The following CACNA2D3 variants were observed in gnomAD, a reference collection of about 807,000 sequenced individuals.
The protein encoded by CACNA2D3 is calcium voltage-gated channel auxiliary subunit alpha2delta 3.
A neutral mutation model predicts 160.6 loss-of-function variants in CACNA2D3; 60 were observed. The ratio of observed to expected loss-of-function variants is 0.37; its 90% CI spans 0.30 to 0.46. CACNA2D3 has a LOEUF of 0.46. Ranked by LOEUF, CACNA2D3 falls within the 20% of genes least tolerant of loss-of-function variation. The pLI, the probability that CACNA2D3 is intolerant of heterozygous loss-of-function variation, is 1.00. For synonymous variants in CACNA2D3, 558 were observed against 492.9 expected, an observed-to-expected ratio of 1.13 and a Z score of -1.75; for missense variants, 1,205 against 1,365.0, an observed-to-expected ratio of 0.88 and a Z score of 1.85.
chr3:54,619,184 C>G (rs973638995), intron 9 of CACNA2D3, among the ~76,000 whole-genome samples: 3 of 152,226 alleles, frequency 2.0e-5, no homozygotes, highest in African/African-American at 7.2e-5. Context: ...CTGAGATGCA[C>G]TGACAAGTCC....
At chr3:54,713,828 A>G (rs1700999483) in intron 11 of CACNA2D3, among the ~76,000 whole-genome samples, 1 of 152,102 alleles carries the variant, frequency 6.6e-6, no homozygotes, top group Non-Finnish European at 1.5e-5. Context: ...TCAAAATTCT[A>G]CTCTCATGCA....
At chr3:54,543,267 GTAA>G (rs1702010122) in intron 5 of CACNA2D3, among the ~76,000 whole-genome samples, 1 of 152,206 alleles carries the variant, frequency 6.6e-6, no homozygotes, top group African/African-American at 2.4e-5. Flanking sequence ...GCGTTAGGTT[GTAA>G]TAATCCCATC....
At chr3:54,602,658 C>G (rs1339280672) in intron 9 of CACNA2D3, among the ~76,000 whole-genome samples, 1 of 152,162 alleles carries the variant, frequency 6.6e-6, no homozygotes, top group East Asian at 1.9e-4. Flanking sequence ...TTTCTTAGCT[C>G]TGACGATAAA....
At chr3:54,462,384 C>T (rs1042261789) in intron 4 of CACNA2D3, among the ~76,000 whole-genome samples, 1 of 152,290 alleles carries the variant, frequency 6.6e-6, no homozygotes, top group East Asian at 1.9e-4. Flanking sequence ...GTGTTAACAT[C>T]TCCCATTACT....
chr3:54,979,166 T>C (rs1457199579), intron 29 of CACNA2D3, among the ~76,000 whole-genome samples: 1 of 152,180 alleles, frequency 6.6e-6, no homozygotes. Context: ...CCAAAATAAC[T>C]TGGGGCTCCT....
At chr3:55,039,986 G>T (rs1368318800) in intron 35 of CACNA2D3, among the ~76,000 whole-genome samples, 1 of 152,072 alleles carries the variant, frequency 6.6e-6, no homozygotes, top group Admixed American at 6.6e-5. Context: ...AATACCGTAG[G>T]CTGGATGGAT....
chr3:54,167,701 G>C (rs757599253), intron 2 of CACNA2D3, among the ~76,000 whole-genome samples: 1 of 152,176 alleles, frequency 6.6e-6, no homozygotes, highest in Non-Finnish European at 1.5e-5. Context: ...ACGTAGTTAA[G>C]GTGGACAGAG....
chr3:54,382,111 A>G (rs972317971), intron 3 of CACNA2D3, among the ~76,000 whole-genome samples: 1 of 152,194 alleles, frequency 6.6e-6, no homozygotes, highest in Non-Finnish European at 1.5e-5. Context: ...TCCAGTGTTC[A>G]CGTTTAATTA....
At position 54,469,259 on chromosome 3, in the gene CACNA2D3, C is replaced by G. The variant is rs542182958; in HGVS notation, c.382-34233C>G. The stretch of plus-strand genomic sequence containing the variant: ...GGCAGCAGTCTTTGCTGTTGTGCAG[C>G]CTCTGCTGGTGATACCCAGGCAAAC... On this transcript the variant is annotated intron_variant, in intron 4 of 37. Coordinates refer to ENST00000474759, the MANE Select transcript of CACNA2D3 (RefSeq NM_018398.3). 7.9e-5 allele frequency among the ~76,000 whole-genome samples: 12 copies of G among 152,308 alleles called. No individual in the cohort carries two copies. The South Asian group carries it at 2.5e-3, about 32-fold the overall frequency.
At chr3:54,988,662 C>T (rs1262307489) in intron 31 of CACNA2D3, among the ~76,000 whole-genome samples, 1 of 152,232 alleles carries the variant, frequency 6.6e-6, no homozygotes, top group African/African-American at 2.4e-5. Flanking sequence ...TATTACTCTT[C>T]TGCGGCTGAA....
Position 54,862,402 on chromosome 3 carries a change from C to T in CACNA2D3, c.1627-9137C>T, listed in dbSNP as rs191041562. ...TTACACACACACACACACACACACA[C>T]ACGCACACACACGCACACGTGATGA... is the stretch of plus-strand genomic sequence containing the variant. On this transcript the variant is annotated intron_variant, in intron 17 of 37. Transcript: ENST00000474759. Among the ~76,000 whole-genome samples the T allele has an allele frequency of 9.7e-3, 1,479 of 151,828 alleles. 16 individuals are homozygous for T. The highest frequency in any genetic ancestry group is 0.015 in the Non-Finnish European group (999 of 67,964).
Position 55,072,383 on chromosome 3 carries a change from G to T in CACNA2D3, c.2988-1062G>T, listed in dbSNP as rs534925725. Among the ~76,000 whole-genome samples, 6 of 152,270 alleles carry T rather than the reference G, an allele frequency of 3.9e-5. No individual in the cohort carries two copies. In the South Asian group the frequency reaches 1.0e-3, roughly 26 times the overall value. ...TATGAGGTGGCAACAGGTTAAAAAA[G>T]GGGGAGTCCCTTTCCCTTCTTTATA... is the stretch of plus-strand genomic sequence containing the variant. On this transcript the variant is annotated intron_variant, in intron 35 of 37. Transcript: ENST00000474759.
At chr3:54,809,298 TC>T (rs1703224015) in intron 13 of CACNA2D3, among the ~76,000 whole-genome samples, 1 of 118,604 alleles carries the variant, frequency 8.4e-6, no homozygotes, top group Non-Finnish European at 1.6e-5. Context: ...TTTCTTTCCT[TC>T]CTTCCTTCTT....
At chr3:54,435,569 C>G (rs183960806) in intron 4 of CACNA2D3, among the ~76,000 whole-genome samples, 21 of 152,242 alleles carry the variant, frequency 1.4e-4, no homozygotes, top group Admixed American at 1.4e-3. Context: ...AGCTAACGTA[C>G]ACTCCCACCC....
intron 4 of CACNA2D3, among the ~76,000 whole-genome samples, chr3:54,470,232 C>G (rs199593402): frequency 6.6e-6 from 1 of 152,338 alleles, no homozygotes; most frequent in East Asian, 1.9e-4. Context: ...CAGCAGATCT[C>G]TCTGCAGAAA....
At chr3:54,284,675 G>A (rs1702965086) in intron 2 of CACNA2D3, among the ~76,000 whole-genome samples, 2 of 152,184 alleles carry the variant, frequency 1.3e-5, no homozygotes, top group Non-Finnish European at 2.9e-5. Flanking sequence ...GTGGAATAGA[G>A]CTCCTTCGGT....
At chr3:54,876,371 G>A (rs1699658085) in intron 18 of CACNA2D3, 1 of 152,148 alleles carries the variant, frequency 6.6e-6, no homozygotes, top group Non-Finnish European at 1.5e-5. Flanking sequence ...TATTCTCACA[G>A]GGCAGTCTAT....
chr3:54,186,616 C>T (rs1406264514), intron 2 of CACNA2D3, among the ~76,000 whole-genome samples: 1 of 152,092 alleles, frequency 6.6e-6, no homozygotes, highest in Non-Finnish European at 1.5e-5. Flanking sequence ...AATTTCTCTT[C>T]ATACTACATG....
chr3:54,384,968 G>A (rs910076842), intron 3 of CACNA2D3, among the ~76,000 whole-genome samples: 1 of 152,090 alleles, frequency 6.6e-6, no homozygotes, highest in African/African-American at 2.4e-5. Context: ...TGATCTGCCC[G>A]CCTCTGCCTC....
Sources: allele counts gnomAD v4.1 joint callset (sites outside exome capture counted in the v4.1 genomes callset), GRCh38; gene constraint gnomAD v4.1.1; transcripts MANE v1.5; gene names NCBI Gene and HGNC (gene_info 2026-07-23, HGNC 2026-07-21).